ST7L: variants seen among roughly 807,000 people sequenced by gnomAD.
ST7L encodes suppressor of tumorigenicity 7 protein-like.
ST7L carries 57 observed loss-of-function variants against 72.5 expected under a neutral mutation model. The ratio of observed to expected loss-of-function variants is 0.79; its 90% CI spans 0.64 to 0.98. The LOEUF is 0.98. Among genes scored for constraint, ST7L ranks in the 50% least tolerant of loss-of-function variants. The pLI is 0.00. For synonymous variants in ST7L, 221 were observed against 240.9 expected (o/e 0.92, Z 0.77); for missense variants, 576 against 672.2 (o/e 0.86, Z 1.58).
At chr1:112,539,453 C>T (rs967780240) in intron 14 of ST7L, among the ~76,000 whole-genome samples, 9 of 151,968 alleles carry the variant, frequency 5.9e-5, no homozygotes, top group Non-Finnish European at 1.2e-4. Flanking sequence ...GTCAGAAGTT[C>T]GAGACCAGCC....
At chr1:112,611,496 A>G (rs1669059668) in intron 2 of ST7L, among the ~76,000 whole-genome samples, 1 of 152,248 alleles carries the variant, frequency 6.6e-6, no homozygotes, top group African/African-American at 2.4e-5. Context: ...AACAAGAATT[A>G]TAAGAAAGTG....
intron 3 of ST7L, among the ~76,000 whole-genome samples, chr1:112,601,301 A>C (rs1558044145): frequency 6.6e-6 from 1 of 152,144 alleles, no homozygotes; most frequent in East Asian, 1.9e-4. Context: ...GCTGGAGTAC[A>C]GTGGCGCAAT....
At chr1:112,618,775 A>C in intron 1 of ST7L, 134 bp downstream of exon 1, 1 of 1,441,484 alleles carries the variant, frequency 6.9e-7, no homozygotes, top group Non-Finnish European at 9.1e-7. Flanking sequence ...CAAAAGAAAA[A>C]GAACTCACTT....
intron 3 of ST7L, among the ~76,000 whole-genome samples, chr1:112,604,068 G>A (rs1667826389): frequency 6.6e-6 from 1 of 152,160 alleles, no homozygotes; most frequent in Admixed American, 6.6e-5. Flanking sequence ...AGCACTTTGG[G>A]AGGCCAAAGT....
chr1:112,582,167 C>A, intron 8 of ST7L, 61 bp from the exon 9 acceptor site: 1 of 1,257,686 alleles, frequency 8.0e-7, no homozygotes, highest in Non-Finnish European at 1.1e-6. Context: ...TAGAGCTGAG[C>A]CAGATTCATT....
chr1:112,530,013 A>AT (rs1654114227), intron 14 of ST7L: 2 of 152,360 alleles, frequency 1.3e-5, no homozygotes, highest in Non-Finnish European at 2.9e-5. Context: ...AGATGCCATC[A>AT]TGCAACTAAC....
chr1:112,540,253 ATC>A, intron 14 of ST7L: 6 of 985,378 alleles, frequency 6.1e-6, no homozygotes, highest in Non-Finnish European at 7.2e-6. Flanking sequence ...TCCAAGAATC[ATC>A]TCTCCCATTG....
intron 6 of ST7L, among the ~76,000 whole-genome samples, chr1:112,589,829 A>T (rs1000039184): frequency 6.6e-6 from 1 of 152,232 alleles, no homozygotes; most frequent in Non-Finnish European, 1.5e-5. Context: ...AAGGTTAGGC[A>T]GACTTGACAG....
At chr1:112,548,240 C>A (rs1266532054) in intron 13 of ST7L, among the ~76,000 whole-genome samples, 2 of 152,068 alleles carry the variant, frequency 1.3e-5, no homozygotes, top group Admixed American at 1.3e-4. Flanking sequence ...TGCCTGTAAT[C>A]CCAGCTACTC....
At chr1:112,550,736 T>C in intron 12 of ST7L, 43 bp from the exon 13 acceptor site, 1 of 1,480,684 alleles carries the variant, frequency 6.8e-7, no homozygotes. Flanking sequence ...TTCTGTCTCA[T>C]TTACCATCCT....
intron 5 of ST7L, among the ~76,000 whole-genome samples, chr1:112,592,566 A>G (rs2101962848): frequency 6.6e-6 from 1 of 152,354 alleles, no homozygotes; most frequent in South Asian, 2.1e-4. Flanking sequence ...GGCCAGGTAA[A>G]GAACATCATT....
At chr1:112,619,655 C>G (rs1464973641), upstream of ST7L, 1 of 593,246 alleles carries the variant, frequency 1.7e-6, no homozygotes, top group South Asian at 2.0e-5. Context: ...TAAGGCAAAC[C>G]CTACTTCCTG....
At chr1:112,609,912 G>A (rs1210852696) in intron 3 of ST7L, among the ~76,000 whole-genome samples, 1 of 152,158 alleles carries the variant, frequency 6.6e-6, no homozygotes, top group African/African-American at 2.4e-5. Context: ...CATCCATGAA[G>A]AGCTGAGACT....
chr1:112,598,273 T>C (rs1666779881), intron 4 of ST7L, among the ~76,000 whole-genome samples, 187 bp from the exon 5 acceptor site: 1 of 151,900 alleles, frequency 6.6e-6, no homozygotes, highest in Admixed American at 6.6e-5. Flanking sequence ...AAAGACCAAA[T>C]AGAAAAATAA....
intron 4 of ST7L, 23 bp from the exon 5 acceptor site, chr1:112,598,109 A>G: frequency 6.4e-7 from 1 of 1,555,666 alleles, no homozygotes; most frequent in Non-Finnish European, 8.8e-7. Context: ...ACAACAAAAT[A>G]TTTAAATTGA....
intron 2 of ST7L, among the ~76,000 whole-genome samples, chr1:112,614,796 A>C (rs1669615829): frequency 6.6e-6 from 1 of 152,180 alleles, no homozygotes; most frequent in African/African-American, 2.4e-5. Flanking sequence ...AAAATAAATA[A>C]AAATTTAAAG....
At chr1:112,538,952 GTAAC>G in intron 14 of ST7L, among the ~76,000 whole-genome samples, 1 of 152,302 alleles carries the variant, frequency 6.6e-6, no homozygotes, top group East Asian at 1.9e-4. Context: ...AAAAGGTTAA[GTAAC>G]TAACCCGAGG....
chr1:112,604,761 G>A (rs1345204440), intron 3 of ST7L, among the ~76,000 whole-genome samples: 1 of 133,784 alleles, frequency 7.5e-6, no homozygotes. Flanking sequence ...AACATAGTGA[G>A]GCCTTGTCTC....
chr1:112,561,178 T>C (rs1660064863), intron 11 of ST7L, among the ~76,000 whole-genome samples: 1 of 150,838 alleles, frequency 6.6e-6, no homozygotes, highest in African/African-American at 2.4e-5. Context: ...TTTTTCAGTC[T>C]TTTTTTTTCT....
Sources: allele counts gnomAD v4.1 joint callset (sites outside exome capture counted in the v4.1 genomes callset), GRCh38; gene constraint gnomAD v4.1.1; transcripts MANE v1.5; gene names NCBI Gene and HGNC (gene_info 2026-07-23, HGNC 2026-07-21).